The following ZNF117 variants were observed in gnomAD, a reference collection of about 807,000 sequenced individuals.
The protein encoded by ZNF117 is zinc finger protein 117.
ZNF117 carries 37 observed loss-of-function variants against 41.2 expected under a neutral mutation model. That is an observed-to-expected ratio of 0.90 (90% CI 0.69 to 1.18). The LOEUF (loss-of-function observed/expected upper bound fraction) is 1.18. Ranked by LOEUF, ZNF117 falls within the 50% of genes most tolerant of loss-of-function variation. The probability of loss-of-function intolerance (pLI) is 0.00; values close to 1 mark genes in which losing one functional copy is unlikely to be tolerated. For synonymous variants in ZNF117, 186 were observed against 186.6 expected (o/e 1.00, Z 0.02); for missense variants, 546 against 557.5 (o/e 0.98, Z 0.21).
chr7:64,978,467 T>G, exon 3 of ZNF117: 1 of 1,609,178 alleles, frequency 6.2e-7, no homozygotes, highest in Non-Finnish European at 8.5e-7. Context: ...GGTTAAAGGC[T>G]TTGCCACATT....
upstream of ZNF117, among the ~76,000 whole-genome samples, chr7:64,982,698 C>T (rs947508253): frequency 3.9e-5 from 6 of 152,094 alleles, no homozygotes; most frequent in African/African-American, 1.4e-4. Context: ...AAAGGGATGA[C>T]AGCTTTCATT....
chr7:64,989,471 A>AAAACC, intron 1 of ZNF117, among the ~76,000 whole-genome samples: 1 of 112,190 alleles, frequency 8.9e-6, no homozygotes, highest in African/African-American at 3.5e-5. Flanking sequence ...ATATATATAT[A>AAAACC]TATATATATA....
Position 64,982,063 on chromosome 7 carries a change from T to A in ZNF117, c.-142A>T. ...AATTCTGCTGTGCAGTGTCCAGGCA[T>A]TGCCACTCCTCCAAAGAGAATTCTA... On this transcript the variant is annotated 5_prime_UTR_variant, in exon 1 of 3. The change abolishes an upstream ATG in the 5' untranslated region. Transcript: ENST00000620222. 1.1e-6 allele frequency: 1 copy of A among 952,216 alleles called. No individual in the cohort carries two copies. Among genetic ancestry groups the A allele is most frequent in the Non-Finnish European group, 1.7e-6 (1 of 595,502 alleles). The allele number at this position is 952,216 out of a possible 1,614,324, so 59.0% of individuals were successfully genotyped here.
At chr7:64,985,629 C>T (rs1786117741), upstream of ZNF117, among the ~76,000 whole-genome samples, 1 of 152,046 alleles carries the variant, frequency 6.6e-6, no homozygotes, top group South Asian at 2.1e-4. Flanking sequence ...AAAAAATATA[C>T]ATAAAATTTA....
chr7:64,978,266 A>C (rs766191673), exon 3 of ZNF117: 6 of 1,595,548 alleles, frequency 3.8e-6, no homozygotes, highest in Non-Finnish European at 5.1e-6. Flanking sequence ...GAATTCTCTT[A>C]TGTCCAATAA....
intron 1 of ZNF117, among the ~76,000 whole-genome samples, chr7:64,987,835 A>C (rs1433593451): frequency 4.6e-5 from 7 of 151,844 alleles, no homozygotes; most frequent in Non-Finnish European, 2.9e-5. Context: ...AAGGAAAAAA[A>C]AAAAAAAAAG....
chr7:64,978,767 C>CTTAT lies in ZNF117; in HGVS notation c.800_803dup (p.Tyr269Ter). On this transcript the variant is annotated stop_gained and frameshift_variant, in exon 3 of 3. Coordinates refer to ENST00000620222, the Ensembl canonical transcript of ZNF117. LOFTEE classifies it high-confidence loss of function. ...ACAGCTTCTCTCCAGTATGAATGTACTTATGTTCAGTAAGTTTTGAGGATC... is the reference window on the plus strand; with the variant it reads ...ACAGCTTCTCTCCAGTATGAATGTACTTATTTATGTTCAGTAAGTTTTGAGGATC... 1.2e-6 allele frequency: 2 copies of CTTAT among 1,613,270 alleles called. No individual in the cohort carries two copies. The highest frequency in any genetic ancestry group is 1.7e-6 in the Non-Finnish European group (2 of 1,179,692).
exon 3 of ZNF117, chr7:64,975,964 T>C (rs931790860): frequency 6.6e-6 from 1 of 152,200 alleles, no homozygotes; most frequent in Non-Finnish European, 1.5e-5. Flanking sequence ...TTTTTCCAAA[T>C]ATATTACATT....
exon 3 of ZNF117, chr7:64,975,621 A>G (rs531204284): frequency 5.3e-5 from 8 of 152,286 alleles, no homozygotes; most frequent in African/African-American, 1.9e-4. Context: ...ATTTGAGTTG[A>G]ATTACATCAT....
chr7:64,986,555 C>A (rs1189239774), upstream of ZNF117, among the ~76,000 whole-genome samples: 5 of 152,076 alleles, frequency 3.3e-5, no homozygotes, highest in Non-Finnish European at 7.4e-5. Flanking sequence ...GATAAGCCAT[C>A]AATTTATATT....
intron 2 of ZNF117, chr7:64,980,981 A>C (rs201883645): frequency 1.9e-3 from 351 of 188,928 alleles, no homozygotes; most frequent in African/African-American, 8.0e-3. Context: ...CAACAAAAAA[A>C]CCAATGGAAC....
At chr7:64,986,181 A>T (rs1786131854), upstream of ZNF117, among the ~76,000 whole-genome samples, 1 of 152,292 alleles carries the variant, frequency 6.6e-6, no homozygotes, top group East Asian at 1.9e-4. Context: ...TGGGTGTATC[A>T]ATCAAGAAAA....
In ZNF117 at chr7:64,981,318, T is replaced by G. The variant is rs1786027561; in HGVS notation, c.34+69A>C. The G allele has an allele frequency of 1.9e-5, 30 of 1,580,454 alleles. No individual in the cohort carries two copies. The South Asian group carries it at 3.2e-4, about 17-fold the overall frequency. On this transcript the variant is annotated intron_variant, in intron 2 of 2. Coordinates refer to ENST00000620222, the Ensembl canonical transcript of ZNF117. ...GGAACACAGCTTACCAAATCACATTTTAAGCTGTGGCCTTCTCCTTGGCCT... is the reference window on the plus strand; with the variant it reads ...GGAACACAGCTTACCAAATCACATTGTAAGCTGTGGCCTTCTCCTTGGCCT...
chr7:64,982,055 T>A lies in ZNF117; in HGVS notation c.-134A>T, dbSNP rs878861595. On this transcript the variant is annotated 5_prime_UTR_variant, in exon 1 of 3. Transcript: ENST00000620222. ...CCTATATAAATTCTGCTGTGCAGTG[T>A]CCAGGCATTGCCACTCCTCCAAAGA... 9 of 918,182 alleles carry A rather than the reference T, an allele frequency of 9.8e-6. No homozygotes were observed. The South Asian group carries it at 1.2e-4, about 12-fold the overall frequency. 56.9% of individuals were successfully genotyped at this position (918,182 alleles called of 1,614,324 possible). A position where few individuals can be genotyped will look rare whatever the true frequency, so the allele number is the denominator to read the frequency against.
upstream of ZNF117, among the ~76,000 whole-genome samples, chr7:64,983,130 G>A (rs957966402): frequency 2.0e-5 from 3 of 152,170 alleles, no homozygotes; most frequent in Non-Finnish European, 4.4e-5. Flanking sequence ...AACTTTCTGG[G>A]TAATAAATGC....
At chr7:64,981,330 C>T in intron 2 of ZNF117, 57 bp downstream of exon 3, 3 of 1,598,566 alleles carry the variant, frequency 1.9e-6, no homozygotes, top group Admixed American at 1.7e-5. Context: ...AAGCTGTGGC[C>T]TTCTCCTTGG....
upstream of ZNF117, among the ~76,000 whole-genome samples, chr7:64,986,234 A>G (rs1017928619): frequency 6.6e-6 from 1 of 152,216 alleles, no homozygotes; most frequent in Admixed American, 6.5e-5. Flanking sequence ...TTTATTTCCC[A>G]AAGTTAAGAA....
chr7:64,974,698 A>T (rs948342362), exon 3 of ZNF117: 3 of 151,952 alleles, frequency 2.0e-5, no homozygotes, highest in East Asian at 1.9e-4. Flanking sequence ...CAAAATTTTT[A>T]AAATGTTTAA....
intron 2 of ZNF117, 45 bp from the exon 4 acceptor site, chr7:64,979,581 GATGA>G: frequency 7.3e-7 from 1 of 1,372,172 alleles, no homozygotes; most frequent in Non-Finnish European, 9.6e-7. Flanking sequence ...GCTCGACTCA[GATGA>G]ATATACTTTA....
Sources: allele counts gnomAD v4.1 joint callset (sites outside exome capture counted in the v4.1 genomes callset), GRCh38; gene constraint gnomAD v4.1.1; transcripts MANE v1.5; gene names NCBI Gene and HGNC (gene_info 2026-07-23, HGNC 2026-07-21).